Variants in MYOM1 observed in about 807,000 individuals in gnomAD.
The protein encoded by MYOM1 is myomesin-1.
MYOM1 carries 164 observed loss-of-function variants against 205.3 expected under a neutral mutation model. The observed-to-expected ratio is 0.80, with a 90% CI of 0.70 to 0.91. MYOM1 has a LOEUF of 0.91. MYOM1 is among the 40% of genes least tolerant of loss of function. The pLI is 0.00. For synonymous variants in MYOM1, 772 were observed against 789.4 expected (o/e 0.98, Z 0.37); for missense variants, 2,011 against 2,127.3 (o/e 0.95, Z 1.08).
the MYOM1 span, among the ~76,000 whole-genome samples, chr18:3,232,172 A>T: frequency 2.0e-5 from 3 of 151,932 alleles, no homozygotes; most frequent in East Asian, 5.8e-4. Context: ...TCAACTAAAA[A>T]TACAAAAATT....
intron 11 of MYOM1, among the ~76,000 whole-genome samples, chr18:3,153,896 A>C (rs1349281484): frequency 6.6e-6 from 1 of 152,224 alleles, no homozygotes; most frequent in Non-Finnish European, 1.5e-5. Flanking sequence ...AATGTTATTT[A>C]GGCCAAATCT....
chr18:3,231,780 G>C, the MYOM1 span, among the ~76,000 whole-genome samples: 1 of 148,828 alleles, frequency 6.7e-6, no homozygotes, highest in African/African-American at 2.5e-5. Context: ...TTGACCTCGT[G>C]ATCTGCCAGC....
At chr18:3,217,515 T>G (rs998078935) in intron 1 of MYOM1, among the ~76,000 whole-genome samples, 2 of 152,108 alleles carry the variant, frequency 1.3e-5, no homozygotes, top group African/African-American at 4.8e-5. Context: ...GAGGAGACAT[T>G]TTAAGTGGGA....
intron 36 of MYOM1, among the ~76,000 whole-genome samples, chr18:3,073,693 CT>C (rs938818892): frequency 6.6e-6 from 1 of 152,188 alleles, no homozygotes; most frequent in African/African-American, 2.4e-5. Context: ...CGAATGTTGC[CT>C]TTTCCGATGC....
In MYOM1 at chr18:3,212,025, A is replaced by T. The variant is rs1598775197; in HGVS notation, c.290+2909T>A. 2.6e-5 allele frequency among the ~76,000 whole-genome samples: 4 copies of T among 152,252 alleles called. No homozygotes were observed. In the South Asian group the frequency reaches 8.3e-4, roughly 31 times the overall value. On this transcript the variant is annotated intron_variant, in intron 2 of 37. Transcript: ENST00000356443. ...AGCTAAAATACAACCTAAAGGAATT[A>T]TGAAGACTTTGAAGTGTTCAAAAAA...
intron 31 of MYOM1, 107 bp downstream of exon 31, chr18:3,084,938 A>G (rs757702231): frequency 3.5e-4 from 305 of 859,516 alleles, no homozygotes; most frequent in Non-Finnish European, 4.9e-4. Flanking sequence ...AAATCTGTGG[A>G]CAAAAAAAAT....
At chr18:3,164,509 A>G (rs1439030064) in intron 9 of MYOM1, 70 bp from the exon 10 acceptor site, 4 of 1,382,116 alleles carry the variant, frequency 2.9e-6, no homozygotes, top group Non-Finnish European at 3.9e-6. Flanking sequence ...TCTCCCCTCC[A>G]TTCCTCTCCT....
intron 22 of MYOM1, 26 bp downstream of exon 22, chr18:3,112,272 G>C: frequency 6.3e-7 from 1 of 1,596,720 alleles, no homozygotes; most frequent in Non-Finnish European, 8.6e-7. Context: ...GATAGGATTA[G>C]TTTTAATGAA....
intron 26 of MYOM1, among the ~76,000 whole-genome samples, chr18:3,091,129 A>G (rs2079220071): frequency 1.3e-5 from 2 of 152,110 alleles, no homozygotes; most frequent in Admixed American, 6.5e-5. Context: ...CAGCCTGACC[A>G]ATATGATGAA....
chr18:3,162,620 A>G (rs2080408049), intron 10 of MYOM1, among the ~76,000 whole-genome samples: 1 of 152,176 alleles, frequency 6.6e-6, no homozygotes. Context: ...TAATCATGCC[A>G]TAAAAAAACA....
At chr18:3,145,802 A>C (rs944790998) in intron 13 of MYOM1, among the ~76,000 whole-genome samples, 1 of 152,096 alleles carries the variant, frequency 6.6e-6, no homozygotes, top group Non-Finnish European at 1.5e-5. Context: ...ATAAAACTGG[A>C]AACAGAAGAA....
rs747219081 is a variant in MYOM1 at position 3,067,484 on chromosome 18, G to A, written c.4836C>T (p.Ala1612=). ...GGTTGCAGTGGTCGTCTGAGGCCAGGGCCTTCTCGTTCTTCAACCACGACA... is the reference window on the plus strand; with the variant it reads ...GGTTGCAGTGGTCGTCTGAGGCCAGAGCCTTCTCGTTCTTCAACCACGACA... ...PEVSWLKNEK[A]LASDDHCNLK... The change falls in exon 38 of 38, where the codon GCC becomes GCT. Residue 1612 remains alanine (A), a synonymous_variant. Transcript: ENST00000356443. 5.0e-6 allele frequency: 8 copies of A among 1,613,718 alleles called. No individual in the cohort carries two copies. The highest frequency in any genetic ancestry group is 6.8e-6 in the Non-Finnish European group (8 of 1,179,914).
At chr18:3,070,183 G>A (rs935987399) in intron 37 of MYOM1, among the ~76,000 whole-genome samples, 5 of 152,136 alleles carry the variant, frequency 3.3e-5, no homozygotes, top group Non-Finnish European at 7.4e-5. Context: ...GTCTCACTGT[G>A]TTGTCCAGGC....
rs2080693319 is a variant in MYOM1 at position 3,179,220 on chromosome 18, A to G, written c.930-3086T>C. On this transcript the variant is annotated intron_variant, in intron 5 of 37. Transcript: ENST00000356443. The surrounding 1 kb of genome is among the most constrained non-coding windows in gnomAD (Gnocchi z 4.4). ...TCCTGAGGAAGAATGAGTCATGGGC[A>G]AACAGCAGGCGCTCAGAATTGGTTA... 6.6e-6 allele frequency among the ~76,000 whole-genome samples: 1 copy of G among 152,170 alleles called. No homozygotes were observed. The highest frequency in any genetic ancestry group is 1.5e-5 in the Non-Finnish European group (1 of 68,032).
chr18:3,162,098 G>C (rs1367612445), intron 10 of MYOM1, among the ~76,000 whole-genome samples: 1 of 152,136 alleles, frequency 6.6e-6, no homozygotes, highest in East Asian at 1.9e-4. Context: ...ATAAAAATGA[G>C]CTAGTCTACC....
intron 14 of MYOM1, among the ~76,000 whole-genome samples, chr18:3,138,248 G>A (rs143878334): frequency 1.3e-5 from 2 of 152,236 alleles, no homozygotes; most frequent in African/African-American, 2.4e-5. Context: ...ATTTTGTAAC[G>A]TTTTCAAAAG....
chr18:3,231,534 CTTTTTTT>C, the MYOM1 span, among the ~76,000 whole-genome samples: 2 of 120,220 alleles, frequency 1.7e-5, no homozygotes, highest in East Asian at 2.2e-4. Context: ...AATATGCATC[CTTTTTTT>C]TTTTTTTTTT....
rs771659817 is a variant in MYOM1, at chr18:3,094,221, G to A, written c.3813C>T (p.Gly1271=). 20 of 1,613,792 alleles carry A rather than the reference G, an allele frequency of 1.2e-5. No homozygotes were observed. The Admixed American group carries it at 2.7e-4, about 22-fold the overall frequency. The change falls in exon 26 of 38, where the codon GGC becomes GGT. Residue 1271 remains glycine, a synonymous_variant. Coordinates refer to ENST00000356443, the MANE Select transcript of MYOM1 (RefSeq NM_003803.4). ...RFWMQAEKLS[G]NAKVNYIFNE... Reference sequence around the variant, plus strand: ...TAAATATGTAGTTGACTTTGGCATTGCCAGACAGTTTCTCAGCCTGCATCC... The same window carrying A: ...TAAATATGTAGTTGACTTTGGCATTACCAGACAGTTTCTCAGCCTGCATCC...
At chr18:3,125,440 C>G (rs2079764923) in intron 19 of MYOM1, among the ~76,000 whole-genome samples, 1 of 151,976 alleles carries the variant, frequency 6.6e-6, no homozygotes. Flanking sequence ...GCCACATGCA[C>G]TAACAGGGAA....
Sources: allele counts gnomAD v4.1 joint callset (sites outside exome capture counted in the v4.1 genomes callset), GRCh38; gene constraint gnomAD v4.1.1; non-coding constraint Gnocchi (gnomAD v3.1); transcripts MANE v1.5; gene names NCBI Gene and HGNC (gene_info 2026-07-23, HGNC 2026-07-21).